Variants in CADM2 observed in about 807,000 individuals in gnomAD.
CADM2 encodes cell adhesion molecule 2, also known as immunoglobulin superfamily member 4D.
In CADM2, 12 loss-of-function variants were observed where a neutral mutation model predicts 49.8. That is an observed-to-expected ratio of 0.24 (90% confidence interval 0.15 to 0.39). The LOEUF is 0.39. Ranked by LOEUF, CADM2 falls within the 10% of genes least tolerant of loss-of-function variation. CADM2 has a pLI of 1.00. For missense variants in CADM2, 378 were observed against 492.3 expected (o/e 0.77, Z 2.20); for synonymous variants, 214 against 175.4 (o/e 1.22, Z -1.74).
chr3:85,535,392 C>G (rs1254761322), intron 1 of CADM2, among the ~76,000 whole-genome samples: 1 of 152,104 alleles, frequency 6.6e-6, no homozygotes, highest in Non-Finnish European at 1.5e-5. Context: ...GTAACAGACT[C>G]TTAATAATAA....
At chr3:85,344,045 G>T (rs145800271) in intron 1 of CADM2, among the ~76,000 whole-genome samples, 24 of 152,218 alleles carry the variant, frequency 1.6e-4, no homozygotes, top group African/African-American at 4.8e-4. Context: ...AACAGTAAAA[G>T]AAAATGTATG....
intron 1 of CADM2, among the ~76,000 whole-genome samples, chr3:85,561,749 C>CT (rs879909018): frequency 3.0e-4 from 45 of 151,894 alleles, no homozygotes; most frequent in African/African-American, 1.0e-3. Context: ...TATATTATAC[C>CT]TTTTTTTTAG....
intron 1 of CADM2, among the ~76,000 whole-genome samples, chr3:85,273,586 A>ACC (rs147347174): frequency 1.8e-3 from 263 of 149,934 alleles, no homozygotes; most frequent in African/African-American, 6.0e-3. Flanking sequence ...GCGAAGGAGG[A>ACC]CCCCCCCCAA....
At chr3:85,172,169 A>G (rs2040646335) in intron 1 of CADM2, among the ~76,000 whole-genome samples, 1 of 152,182 alleles carries the variant, frequency 6.6e-6, no homozygotes, top group Admixed American at 6.5e-5. Context: ...ATATTCTCTA[A>G]TGGTAAGATC....
At chr3:85,575,278 G>T (rs184068660) in intron 1 of CADM2, among the ~76,000 whole-genome samples, 2 of 152,298 alleles carry the variant, frequency 1.3e-5, no homozygotes, top group South Asian at 2.1e-4. Context: ...TGGGCTGGGC[G>T]CAGTGGCTCA....
intron 1 of CADM2, among the ~76,000 whole-genome samples, chr3:85,301,546 G>A (rs572364765): frequency 6.6e-6 from 1 of 152,024 alleles, no homozygotes; most frequent in Non-Finnish European, 1.5e-5. Context: ...TCATCAGATA[G>A]TGTCAGCAAT....
intron 6 of CADM2, 72 bp from the exon 7 acceptor site, chr3:85,935,695 A>G: frequency 1.4e-6 from 1 of 692,014 alleles, no homozygotes; most frequent in Non-Finnish European, 2.5e-6. Context: ...AACACACAGC[A>G]TGATGCACAG....
At chr3:85,607,845 C>T (rs9855488) in intron 1 of CADM2, among the ~76,000 whole-genome samples, 7,218 of 151,682 alleles carry the variant, frequency 0.048, 590 homozygotes, top group African/African-American at 0.17. Context: ...TTAGTAGAGA[C>T]GGGGTTTCAC....
rs540323942 is a variant in CADM2 at position 85,500,281 on chromosome 3, A to G, written c.62-226241A>G. 3.2e-3 allele frequency among the ~76,000 whole-genome samples: 485 copies of G among 152,192 alleles called. 5 individuals are homozygous for G. Among genetic ancestry groups the G allele is most frequent in the African/African-American group, 0.011 (458 of 41,536 alleles). Reference sequence around the variant, plus strand: ...CAGAATATATATTTTTTCAGGAATCATAGTTTATTTTCTATAAAAAAATGG... The same window carrying G: ...CAGAATATATATTTTTTCAGGAATCGTAGTTTATTTTCTATAAAAAAATGG... On this transcript the variant is annotated intron_variant, in intron 1 of 9. Transcript: ENST00000383699.
intron 1 of CADM2, among the ~76,000 whole-genome samples, chr3:85,288,393 T>C (rs1030316985): frequency 6.6e-6 from 1 of 152,152 alleles, no homozygotes; most frequent in South Asian, 2.1e-4. Flanking sequence ...TGATTTGAAA[T>C]AGGTGATTTT....
intron 8 of CADM2, chr3:85,994,744 G>T (rs1729160467): frequency 6.6e-6 from 1 of 152,170 alleles, no homozygotes; most frequent in African/African-American, 2.4e-5. Flanking sequence ...GGGGAAAACA[G>T]CTGGTCAGTA....
intron 1 of CADM2, among the ~76,000 whole-genome samples, chr3:85,316,970 A>G (rs1032243137): frequency 2.0e-5 from 3 of 152,140 alleles, no homozygotes; most frequent in Non-Finnish European, 2.9e-5. Context: ...TTCAAAGTCC[A>G]TACAGAAATA....
chr3:85,255,342 CT>C (rs1302001288), intron 1 of CADM2, among the ~76,000 whole-genome samples: 1 of 151,910 alleles, frequency 6.6e-6, no homozygotes, highest in Non-Finnish European at 1.5e-5. Flanking sequence ...AAAGAAGAGG[CT>C]TCATTTGTTT....
At chr3:85,527,147 A>G (rs577178501) in intron 1 of CADM2, among the ~76,000 whole-genome samples, 10 of 152,056 alleles carry the variant, frequency 6.6e-5, no homozygotes, top group African/African-American at 9.7e-5. Flanking sequence ...GCACCGTGGG[A>G]TGCCAGGAAA....
At chr3:85,836,633 C>A (rs1251732799) in intron 3 of CADM2, among the ~76,000 whole-genome samples, 2 of 151,436 alleles carry the variant, frequency 1.3e-5, no homozygotes, top group Non-Finnish European at 3.0e-5. Flanking sequence ...TTTAATGGGA[C>A]TGAAATAGAG....
chr3:85,868,144 G>T (rs906633546), intron 3 of CADM2, among the ~76,000 whole-genome samples: 1 of 151,888 alleles, frequency 6.6e-6, no homozygotes, highest in Non-Finnish European at 1.5e-5. Flanking sequence ...AGCAAGAAAA[G>T]AGTCCCAAAT....
Position 85,089,113 on chromosome 3 carries a change from AATTTATTCGGCAGT to A in CADM2, c.61+129451_61+129464del, listed in dbSNP as rs143539347. Among the ~76,000 whole-genome samples the A allele has an allele frequency of 4.4e-3, 669 of 152,202 alleles. 1 individual carries two copies. The highest frequency in any genetic ancestry group is 0.014 in the Middle Eastern group (4 of 294). ...TTATATTAAATAACTATTAATTGAAAATTTATTCGGCAGTATTTAGAGTCTTCTACCTAAAGTGA... is the reference window on the plus strand; with the variant it reads ...TTATATTAAATAACTATTAATTGAAAATTTAGAGTCTTCTACCTAAAGTGA... On this transcript the variant is annotated intron_variant, in intron 1 of 9. Coordinates refer to ENST00000383699, the MANE Select transcript of CADM2 (RefSeq NM_001167675.2).
At chr3:84,986,342 T>C (rs1262236439) in intron 1 of CADM2, among the ~76,000 whole-genome samples, 1 of 152,188 alleles carries the variant, frequency 6.6e-6, no homozygotes, top group African/African-American at 2.4e-5. Flanking sequence ...GAATTTAATA[T>C]ATGGGGGTCA....
chr3:85,125,081 C>T (rs1017479924), intron 1 of CADM2, among the ~76,000 whole-genome samples: 6 of 152,144 alleles, frequency 3.9e-5, no homozygotes, highest in Non-Finnish European at 8.8e-5. Flanking sequence ...CAGAGGGAAA[C>T]ATTAAGGCCA....
Sources: gnomAD v4.1 joint callset for allele counts (sites outside exome capture counted in the v4.1 genomes callset) on GRCh38, gnomAD v4.1.1 for gene constraint, MANE v1.5 for transcripts, NCBI Gene and HGNC (gene_info 2026-07-23, HGNC 2026-07-21) for gene names.